SLC4A5: variants seen among roughly 807,000 people sequenced by gnomAD.
The protein encoded by SLC4A5 is electrogenic sodium bicarbonate cotransporter 4.
SLC4A5 carries 96 observed loss-of-function variants against 120.4 expected under a neutral mutation model. That is an observed-to-expected ratio of 0.80 (90% CI 0.68 to 0.94). The LOEUF (loss-of-function observed/expected upper bound fraction) is 0.94, where lower values mean the gene tolerates loss of function less well. SLC4A5 is among the 40% of genes least tolerant of loss of function. The probability of loss-of-function intolerance (pLI) is 0.00; values close to 1 mark genes in which losing one functional copy is unlikely to be tolerated. For missense variants in SLC4A5, 1,259 were observed against 1,459.5 expected (o/e 0.86, Z 2.24); for synonymous variants, 550 against 571.1 (o/e 0.96, Z 0.53).
In SLC4A5 at chr2:74,264,317, A is replaced by C; in HGVS notation, c.563-18T>G. 1 of 1,610,786 alleles carries C rather than the reference A, an allele frequency of 6.2e-7. No homozygotes were observed. On this transcript the variant is annotated intron_variant, in intron 9 of 30. Transcript: ENST00000394019. ...GACATCATCTGTGTGGAAAACATACACACCTCATCCCTGTGGGACAGAACA... is the reference window on the plus strand; with the variant it reads ...GACATCATCTGTGTGGAAAACATACCCACCTCATCCCTGTGGGACAGAACA...
chr2:74,235,394 C>T (rs1426022200), intron 21 of SLC4A5, among the ~76,000 whole-genome samples, 180 bp from the exon 22 acceptor site: 1 of 152,184 alleles, frequency 6.6e-6, no homozygotes, highest in Non-Finnish European at 1.5e-5. Context: ...GGAAGCGTGT[C>T]ATCTCTCCAA....
intron 17 of SLC4A5, 119 bp from the exon 18 acceptor site, chr2:74,248,605 G>C: frequency 8.3e-7 from 1 of 1,209,508 alleles, no homozygotes; most frequent in South Asian, 1.5e-5. Flanking sequence ...TTCGTTCTGG[G>C]CCCTTTCCTC....
rs55689286 is a variant in SLC4A5 at position 74,229,104 on chromosome 2, C to CTTTTTTTTTTTTTTTTTTTTTTTTT, written c.2848-1227_2848-1226insAAAAAAAAAAAAAAAAAAAAAAAAA. Among the ~76,000 whole-genome samples, 6 of 98,590 alleles carry CTTTTTTTTTTTTTTTTTTTTTTTTT rather than the reference C, an allele frequency of 6.1e-5. 2 individuals are homozygous for CTTTTTTTTTTTTTTTTTTTTTTTTT. The highest frequency in any genetic ancestry group is 9.1e-5 in the African/African-American group (2 of 22,044). 64.7% of individuals were successfully genotyped at this position (98,590 alleles called of 152,430 possible). ...AAAGAAGTCTGTTCTTAGATTTGAG[C>CTTTTTTTTTTTTTTTTTTTTTTTTT]TTTTTTTTTTTTCTTGAGACAGAGT... On this transcript the variant is annotated intron_variant, in intron 25 of 30. Transcript: ENST00000394019.
At chr2:74,281,147 C>T (rs915892137) in intron 8 of SLC4A5, among the ~76,000 whole-genome samples, 1 of 152,236 alleles carries the variant, frequency 6.6e-6, no homozygotes, top group Non-Finnish European at 1.5e-5. Context: ...CCCACTTCTC[C>T]TGCCCTTCCC....
chr2:74,284,708 A>G (rs1335162130), intron 8 of SLC4A5, among the ~76,000 whole-genome samples: 1 of 152,004 alleles, frequency 6.6e-6, no homozygotes, highest in African/African-American at 2.4e-5. Context: ...GTTAAGTCCC[A>G]AGGCCCCTTT....
intron 7 of SLC4A5, among the ~76,000 whole-genome samples, chr2:74,292,848 C>A (rs749700971): frequency 6.6e-6 from 1 of 152,164 alleles, no homozygotes; most frequent in Non-Finnish European, 1.5e-5. Context: ...TCTCTCTCAT[C>A]GGCTCCCTGA....
At chr2:74,310,727 A>G (rs953225459) in intron 6 of SLC4A5, among the ~76,000 whole-genome samples, 2 of 152,162 alleles carry the variant, frequency 1.3e-5, no homozygotes, top group East Asian at 1.9e-4. Flanking sequence ...GGATTTTTGC[A>G]TATATATTCA....
chr2:74,231,209 G>A (rs1478112999), intron 25 of SLC4A5, 27 bp downstream of exon 25: 1 of 1,596,494 alleles, frequency 6.3e-7, no homozygotes, highest in Admixed American at 1.7e-5. Flanking sequence ...AGGCAACGAG[G>A]CCCTAGGTGA....
At chr2:74,337,708 C>A (rs1673526879) in intron 3 of SLC4A5, among the ~76,000 whole-genome samples, 3 of 152,298 alleles carry the variant, frequency 2.0e-5, no homozygotes, top group South Asian at 4.1e-4. Flanking sequence ...TTGATCTCTG[C>A]TCCGAAATTA....
chr2:74,222,113 G>T (rs1694670708), intron 29 of SLC4A5, among the ~76,000 whole-genome samples: 1 of 152,138 alleles, frequency 6.6e-6, no homozygotes, highest in Non-Finnish European at 1.5e-5. Context: ...CTCCAATTAT[G>T]CCTGACTTAT....
At chr2:74,309,080 A>AT (rs112753220) in intron 6 of SLC4A5, among the ~76,000 whole-genome samples, 12,060 of 144,280 alleles carry the variant, frequency 0.084, 1,290 homozygotes, top group African/African-American at 0.25. Context: ...ACACCCAGCT[A>AT]TTTTTTTTTT....
intron 18 of SLC4A5, among the ~76,000 whole-genome samples, chr2:74,247,703 C>T (rs1434137241): frequency 8.6e-5 from 13 of 152,004 alleles, no homozygotes; most frequent in African/African-American, 2.4e-4. Context: ...TTAGTAGAGA[C>T]GGGGTTTTAC....
At chr2:74,320,778 G>A (rs571287139) in intron 5 of SLC4A5, among the ~76,000 whole-genome samples, 115 of 152,198 alleles carry the variant, frequency 7.6e-4, no homozygotes, top group Non-Finnish European at 9.0e-4. Flanking sequence ...GAGAGCAACA[G>A]GCACATCTTA....
At chr2:74,308,989 A>C (rs1421331451) in intron 6 of SLC4A5, among the ~76,000 whole-genome samples, 1 of 151,536 alleles carries the variant, frequency 6.6e-6, no homozygotes. Context: ...ATCATGGCTC[A>C]CTGAAGCTTT....
chr2:74,247,066 A>T (rs940025214), exon 19 of SLC4A5: 4 of 1,614,168 alleles, frequency 2.5e-6, no homozygotes. Context: ...TCGCACTTGT[A>T]GGTAGTGATG....
At chr2:74,315,249 G>T (rs1672929480) in intron 5 of SLC4A5, among the ~76,000 whole-genome samples, 1 of 151,978 alleles carries the variant, frequency 6.6e-6, no homozygotes, top group Non-Finnish European at 1.5e-5. Context: ...AGACCAGCCT[G>T]GCCAATACAG....
chr2:74,339,274 A>G (rs1673570043), intron 2 of SLC4A5: 1 of 152,200 alleles, frequency 6.6e-6, no homozygotes, highest in Non-Finnish European at 1.5e-5. Flanking sequence ...AGAACAGCTA[A>G]TATTTGCTGG....
chr2:74,292,288 A>C (rs1045669306), intron 7 of SLC4A5, among the ~76,000 whole-genome samples: 41 of 152,116 alleles, frequency 2.7e-4, no homozygotes, highest in African/African-American at 9.4e-4. Flanking sequence ...CCCTCTAAAC[A>C]TTCCAAGGGC....
At chr2:74,294,225 G>A (rs1278145800) in intron 7 of SLC4A5, among the ~76,000 whole-genome samples, 1 of 152,096 alleles carries the variant, frequency 6.6e-6, no homozygotes, top group Non-Finnish European at 1.5e-5. Flanking sequence ...AGTTCCCTAC[G>A]CCACTCTGGA....
Sources: allele counts gnomAD v4.1 joint callset (sites outside exome capture counted in the v4.1 genomes callset), GRCh38; gene constraint gnomAD v4.1.1; transcripts MANE v1.5; gene names NCBI Gene and HGNC (gene_info 2026-07-23, HGNC 2026-07-21).